Variants in DOK6 observed in about 807,000 individuals in gnomAD.
DOK6 encodes the protein docking protein 6.
In DOK6, 22 loss-of-function variants were observed where a neutral mutation model predicts 44.0. The observed-to-expected ratio is 0.50, with a 90% CI of 0.36 to 0.71. The LOEUF (loss-of-function observed/expected upper bound fraction) is 0.71, where lower values mean the gene tolerates loss of function less well. Ranked by LOEUF, DOK6 falls within the 30% of genes least tolerant of loss-of-function variation. DOK6 has a pLI of 0.00. For missense variants in DOK6, 340 were observed against 416.4 expected (o/e 0.82, Z 1.60); for synonymous variants, 166 against 145.5 (o/e 1.14, Z -1.01).
intron 6 of DOK6, among the ~76,000 whole-genome samples, chr18:69,754,351 CA>C (rs34141961): frequency 6.7e-4 from 81 of 121,448 alleles, no homozygotes; most frequent in African/African-American, 1.1e-3. Flanking sequence ...ACCCTATCTC[CA>C]AAAAAAAAAA....
intron 1 of DOK6, among the ~76,000 whole-genome samples, chr18:69,444,362 A>C (rs1471069074): frequency 6.6e-6 from 1 of 152,166 alleles, no homozygotes; most frequent in Non-Finnish European, 1.5e-5. Flanking sequence ...TAACTCCAGG[A>C]ACTCATTGCC....
intron 2 of DOK6, among the ~76,000 whole-genome samples, chr18:69,583,271 T>A (rs993267437): frequency 6.6e-6 from 1 of 152,216 alleles, no homozygotes; most frequent in Non-Finnish European, 1.5e-5. Context: ...AACAGTGTTT[T>A]AACACACATT....
chr18:69,407,020 G>A (rs755049326), intron 1 of DOK6, among the ~76,000 whole-genome samples: 2 of 152,182 alleles, frequency 1.3e-5, no homozygotes, highest in African/African-American at 2.4e-5. Context: ...GGTGGAGGTT[G>A]CAGTGCACTG....
rs151301113 is a variant in DOK6, at chr18:69,576,971, G to A, written c.174+12377G>A. On this transcript the variant is annotated intron_variant, in intron 2 of 7. Coordinates refer to ENST00000382713, the MANE Select transcript of DOK6 (RefSeq NM_152721.6). ...GAAGGATGAATGAAGATAAAACAACGTGAAGTTCCATGAAAACTGCATGAT... is the reference window on the plus strand; with the variant it reads ...GAAGGATGAATGAAGATAAAACAACATGAAGTTCCATGAAAACTGCATGAT... Among the ~76,000 whole-genome samples, 18 of 152,210 alleles carry A rather than the reference G, an allele frequency of 1.2e-4. No homozygotes were observed. The East Asian group carries it at 2.1e-3, about 18-fold the overall frequency.
intron 6 of DOK6, among the ~76,000 whole-genome samples, chr18:69,744,925 T>TAAAA (rs58133144): frequency 5.2e-4 from 47 of 89,668 alleles, no homozygotes; most frequent in South Asian, 1.4e-3. Flanking sequence ...ACACTCCATC[T>TAAAA]AAAAAAAAAA....
rs181233972 is a variant in DOK6 at position 69,617,899 on chromosome 18, C to A, written c.289+18401C>A. 3.2e-3 allele frequency among the ~76,000 whole-genome samples: 490 copies of A among 152,144 alleles called. 8 individuals carry two copies. Among genetic ancestry groups the A allele is most frequent in the Non-Finnish European group, 1.8e-3 (121 of 67,998 alleles). On this transcript the variant is annotated intron_variant, in intron 3 of 7. Transcript: ENST00000382713. ...CAGTACCTGTGAATGTGACATTATG[C>A]AGAAGTAAAGTGTTTTAGATGTAAT...
intron 3 of DOK6, among the ~76,000 whole-genome samples, chr18:69,613,499 AC>A (rs1324870985): frequency 1.3e-5 from 2 of 152,218 alleles, no homozygotes; most frequent in Non-Finnish European, 2.9e-5. Flanking sequence ...GAAATAAACC[AC>A]TAATTATTTT....
intron 6 of DOK6, among the ~76,000 whole-genome samples, chr18:69,752,877 C>T (rs1979230397): frequency 6.6e-6 from 1 of 152,128 alleles, no homozygotes; most frequent in Non-Finnish European, 1.5e-5. Context: ...TTACCACAGC[C>T]AAGGGATCTG....
At chr18:69,646,499 T>A (rs1343576128) in intron 3 of DOK6, among the ~76,000 whole-genome samples, 2 of 152,204 alleles carry the variant, frequency 1.3e-5, no homozygotes, top group Non-Finnish European at 2.9e-5. Context: ...TATTCATTTT[T>A]AAATACTGTG....
chr18:69,588,706 T>C (rs1361090018), intron 2 of DOK6, among the ~76,000 whole-genome samples: 1 of 152,100 alleles, frequency 6.6e-6, no homozygotes, highest in Non-Finnish European at 1.5e-5. Context: ...AAAATCAGGT[T>C]CTGGTAAGAG....
intron 3 of DOK6, among the ~76,000 whole-genome samples, chr18:69,608,115 C>A (rs185300924): frequency 6.6e-6 from 1 of 151,880 alleles, no homozygotes; most frequent in African/African-American, 2.4e-5. Flanking sequence ...TTAAAAGGAA[C>A]CCTCAGTTCA....
intron 1 of DOK6, among the ~76,000 whole-genome samples, chr18:69,516,547 G>A (rs1981528460): frequency 1.3e-5 from 2 of 152,040 alleles, no homozygotes; most frequent in Admixed American, 1.3e-4. Context: ...AATGTACTAG[G>A]CAAACATTTA....
intron 1 of DOK6, among the ~76,000 whole-genome samples, chr18:69,515,469 C>T (rs1981495442): frequency 6.6e-6 from 1 of 152,096 alleles, no homozygotes; most frequent in Non-Finnish European, 1.5e-5. Flanking sequence ...TTCTGGGCCA[C>T]CTGAGAGTGT....
intron 3 of DOK6, among the ~76,000 whole-genome samples, chr18:69,667,880 A>C (rs1242094254): frequency 6.6e-6 from 1 of 152,194 alleles, no homozygotes; most frequent in East Asian, 1.9e-4. Flanking sequence ...TCCCACATTT[A>C]TAAGTCCGAT....
intron 1 of DOK6, among the ~76,000 whole-genome samples, chr18:69,418,754 A>C (rs1978406773): frequency 6.6e-6 from 1 of 152,000 alleles, no homozygotes; most frequent in African/African-American, 2.4e-5. Flanking sequence ...TTACAAGTAT[A>C]AGCCATTATG....
At chr18:69,648,624 G>A (rs752889274) in intron 3 of DOK6, among the ~76,000 whole-genome samples, 21 of 152,170 alleles carry the variant, frequency 1.4e-4, no homozygotes, top group Non-Finnish European at 2.8e-4. Context: ...GAAACTAAGT[G>A]TACTAAATAT....
chr18:69,408,951 A>T (rs768419270), intron 1 of DOK6, among the ~76,000 whole-genome samples: 1 of 152,164 alleles, frequency 6.6e-6, no homozygotes, highest in African/African-American at 2.4e-5. Flanking sequence ...TTATACATAA[A>T]ATGTATTACA....
chr18:69,601,574 C>A (rs1474071851), intron 3 of DOK6, among the ~76,000 whole-genome samples: 1 of 152,166 alleles, frequency 6.6e-6, no homozygotes, highest in Non-Finnish European at 1.5e-5. Flanking sequence ...CGCCCAACTC[C>A]CAACCAGGGG....
At chr18:69,412,493 CA>C (rs1230769117) in intron 1 of DOK6, among the ~76,000 whole-genome samples, 1 of 152,014 alleles carries the variant, frequency 6.6e-6, no homozygotes, top group African/African-American at 2.4e-5. Context: ...GATTTCTGGG[CA>C]AGAGAATTAT....
Sources: allele counts gnomAD v4.1 joint callset (sites outside exome capture counted in the v4.1 genomes callset), GRCh38; gene constraint gnomAD v4.1.1; transcripts MANE v1.5; gene names NCBI Gene and HGNC (gene_info 2026-07-23, HGNC 2026-07-21).